Variants in NLGN4X observed in about 807,000 individuals in gnomAD.
The protein encoded by NLGN4X is neuroligin-4, X-linked.
In NLGN4X, 3 loss-of-function variants were observed where a neutral mutation model predicts 40.3. The ratio of observed to expected loss-of-function variants is 0.07; its 90% CI spans 0.03 to 0.19. The LOEUF is 0.19. Among genes scored for constraint, NLGN4X ranks in the 10% least tolerant of loss-of-function variants. NLGN4X has a pLI of 1.00. For missense variants in NLGN4X, 382 were observed against 708.3 expected (o/e 0.54, Z 5.23); for synonymous variants, 270 against 306.8 (o/e 0.88, Z 1.25).
Position 5,892,943 on chromosome X carries a change from C to T in NLGN4X, c.2325G>A (p.Thr775=), listed in dbSNP as rs377394394. Residue 775 remains threonine, a synonymous_variant, in exon 6 of 6, where the codon ACG becomes ACA. Coordinates refer to ENST00000381095, the MANE Select transcript of NLGN4X (RefSeq NM_181332.3). Reference sequence around the variant, plus strand: ...TTGGAATCATGGTGATGGTGTTTGGCGTCATAAGTGGGATGTCATCTGGCG... The same window carrying T: ...TTGGAATCATGGTGATGGTGTTTGGTGTCATAAGTGGGATGTCATCTGGCG... ...RRSPDDIPLM[T]PNTITMIPNT... The T allele has an allele frequency of 1.1e-5, 13 of 1,211,371 alleles. No individual in the cohort carries two copies. Among genetic ancestry groups the T allele is most frequent in the Middle Eastern group, 2.3e-4 (1 of 4,353 alleles).
intron 3 of NLGN4X, among the ~76,000 whole-genome samples, chrX:6,016,367 G>A (rs753003457): frequency 9.9e-5 from 11 of 111,670 alleles, no homozygotes; most frequent in Non-Finnish European, 1.9e-4. Flanking sequence ...AGAGATACGG[G>A]ACTTCTTTTT....
intron 3 of NLGN4X, among the ~76,000 whole-genome samples, chrX:5,996,410 G>T (rs1017033359): frequency 2.7e-5 from 3 of 111,400 alleles, no homozygotes; most frequent in African/African-American, 9.8e-5. Context: ...GGTCACCTAG[G>T]GACTGCAAGA....
intron 3 of NLGN4X, among the ~76,000 whole-genome samples, chrX:5,978,328 CTTT>C (rs775208706): frequency 0.19 from 10,939 of 56,685 alleles, 989 homozygotes; most frequent in Admixed American, 0.22. Flanking sequence ...TTCTTTCTTT[CTTT>C]CTTTCTTTCT....
chrX:6,073,424 T>C (rs2038116413), intron 2 of NLGN4X, among the ~76,000 whole-genome samples: 1 of 112,589 alleles, frequency 8.9e-6, no homozygotes, highest in Non-Finnish European at 1.9e-5. Context: ...TTAAGATTTA[T>C]GCAGACTTTA....
intron 3 of NLGN4X, among the ~76,000 whole-genome samples, chrX:5,955,751 A>G (rs1328421231): frequency 3.7e-4 from 40 of 109,126 alleles, no homozygotes; most frequent in African/African-American, 1.3e-3. Context: ...AAAAACCAGT[A>G]TTAAAAATTT....
intron 1 of NLGN4X, among the ~76,000 whole-genome samples, chrX:6,191,921 T>C (rs764700310): frequency 1.8e-5 from 2 of 111,917 alleles, no homozygotes; most frequent in East Asian, 5.6e-4. Context: ...CTGACCAATA[T>C]GGCATTTTTC....
intron 2 of NLGN4X, 53 bp downstream of exon 2, chrX:6,150,942 C>A: frequency 9.9e-7 from 1 of 1,014,301 alleles, no homozygotes; most frequent in East Asian, 3.0e-5. Context: ...CCTAGCAAAT[C>A]TCTCTACACA....
At position 6,041,498 on chromosome X, in the gene NLGN4X, C is replaced by A. The variant is rs143369799; in HGVS notation, c.473-12066G>T. 2.4e-4 allele frequency among the ~76,000 whole-genome samples: 27 copies of A among 112,067 alleles called. 1 individual carries two copies. In the Admixed American group the frequency reaches 2.5e-3, roughly 10 times the overall value. On this transcript the variant is annotated intron_variant, in intron 2 of 5. Coordinates refer to ENST00000381095, the MANE Select transcript of NLGN4X (RefSeq NM_181332.3). ...AAAGCCCATATGCTCCTGGAAGATT[C>A]ATTTTTACTGATCAGCTTAAATTCC...
intron 1 of NLGN4X, among the ~76,000 whole-genome samples, chrX:6,168,666 G>T (rs1031965012): frequency 9.0e-6 from 1 of 111,257 alleles, no homozygotes; most frequent in Non-Finnish European, 1.9e-5. Flanking sequence ...TGAAGAGATG[G>T]GTCTCTCTAT....
intron 2 of NLGN4X, among the ~76,000 whole-genome samples, chrX:6,125,798 T>C (rs1209171282): frequency 9.0e-6 from 1 of 111,563 alleles, no homozygotes; most frequent in Non-Finnish European, 1.9e-5. Flanking sequence ...CCCAAATCCT[T>C]TTGTATGGAC....
intron 1 of NLGN4X, among the ~76,000 whole-genome samples, chrX:6,168,697 T>C (rs2040544841): frequency 9.0e-6 from 1 of 111,306 alleles, no homozygotes. Flanking sequence ...GGTCTAGAAC[T>C]CTGGCTTCAA....
chrX:6,083,134 A>G (rs1338939895), intron 2 of NLGN4X, among the ~76,000 whole-genome samples: 1 of 97,963 alleles, frequency 1.0e-5, no homozygotes, highest in Non-Finnish European at 2.1e-5. Context: ...AATTTTTTGT[A>G]TTTTTAGTAG....
intron 1 of NLGN4X, among the ~76,000 whole-genome samples, chrX:6,178,683 G>T (rs769680408): frequency 8.0e-5 from 9 of 112,508 alleles, no homozygotes; most frequent in Admixed American, 4.7e-4. Flanking sequence ...TTCAAAAAAA[G>T]TATTGTAGTG....
intron 1 of NLGN4X, among the ~76,000 whole-genome samples, chrX:6,223,672 T>C (rs1925903602): frequency 8.9e-6 from 1 of 112,507 alleles, no homozygotes; most frequent in Non-Finnish European, 1.9e-5. Flanking sequence ...AAAATATTCG[T>C]TGAGTGAATG....
At chrX:6,117,587 T>C (rs953350299) in intron 2 of NLGN4X, among the ~76,000 whole-genome samples, 2 of 111,479 alleles carry the variant, frequency 1.8e-5, no homozygotes, top group African/African-American at 6.5e-5. Context: ...TCCTGCCTTG[T>C]TCCTGGGCAT....
intron 3 of NLGN4X, among the ~76,000 whole-genome samples, chrX:5,986,771 C>T (rs1013791354): frequency 8.9e-6 from 1 of 111,834 alleles, no homozygotes; most frequent in African/African-American, 3.2e-5. Flanking sequence ...ATGGAAATGT[C>T]TCAACCTCAG....
At chrX:6,187,738 C>G (rs1347392568) in intron 1 of NLGN4X, 1 of 112,141 alleles carries the variant, frequency 8.9e-6, no homozygotes, top group African/African-American at 3.2e-5. Context: ...CCCTCTTTTT[C>G]TCTAGCAGAT....
intron 3 of NLGN4X, among the ~76,000 whole-genome samples, chrX:5,941,176 A>C (rs1230515189): frequency 4.0e-5 from 1 of 24,764 alleles, no homozygotes; most frequent in Non-Finnish European, 7.7e-5. Context: ...ATCGTATGCT[A>C]GGGGGTGTGT....
chrX:6,092,164 G>C (rs756569824), intron 2 of NLGN4X, among the ~76,000 whole-genome samples: 10 of 111,541 alleles, frequency 9.0e-5, no homozygotes, highest in Admixed American at 1.9e-4. Flanking sequence ...ACTTGCTAGT[G>C]AACTTCTGGG....
Sources: gnomAD v4.1 joint callset for allele counts (sites outside exome capture counted in the v4.1 genomes callset) on GRCh38, gnomAD v4.1.1 for gene constraint, MANE v1.5 for transcripts, NCBI Gene and HGNC (gene_info 2026-07-23, HGNC 2026-07-21) for gene names.